The following LRRTM4 variants were observed in gnomAD, a reference collection of about 807,000 sequenced individuals.
The protein encoded by LRRTM4 is leucine rich repeat transmembrane neuronal 4, also known as leucine-rich repeat transmembrane neuronal protein 4.
In LRRTM4, 25 loss-of-function variants were observed where a neutral mutation model predicts 47.6. The ratio of observed to expected loss-of-function variants is 0.53; its 90% confidence interval spans 0.38 to 0.73. The LOEUF (loss-of-function observed/expected upper bound fraction) is 0.73. Ranked by LOEUF, LRRTM4 falls within the 30% of genes least tolerant of loss-of-function variation. The pLI is 0.00. For missense variants in LRRTM4, 638 were observed against 713.4 expected (o/e 0.89, Z 1.20); for synonymous variants, 311 against 269.5 (o/e 1.15, Z -1.51).
chr2:76,905,962 C>T (rs948796611), intron 3 of LRRTM4, among the ~76,000 whole-genome samples: 1 of 152,058 alleles, frequency 6.6e-6, no homozygotes, highest in Non-Finnish European at 1.5e-5. Context: ...TCTAGCAAGG[C>T]AGGCCAACAT....
At chr2:77,255,932 C>T (rs1460764370) in intron 3 of LRRTM4, among the ~76,000 whole-genome samples, 8 of 151,860 alleles carry the variant, frequency 5.3e-5, no homozygotes, top group Non-Finnish European at 1.0e-4. Context: ...GAAGCCAAAA[C>T]CAATGAAATA....
intron 3 of LRRTM4, among the ~76,000 whole-genome samples, chr2:77,187,367 T>C (rs1673540681): frequency 6.6e-6 from 1 of 151,180 alleles, no homozygotes. Flanking sequence ...AGCAAATCAC[T>C]TCCACAGAAT....
intron 3 of LRRTM4, among the ~76,000 whole-genome samples, chr2:76,805,881 G>T (rs980947208): frequency 6.6e-6 from 1 of 152,022 alleles, no homozygotes; most frequent in African/African-American, 2.4e-5. Context: ...TCCCTTAGAG[G>T]TGCTGTTTTC....
intron 3 of LRRTM4, among the ~76,000 whole-genome samples, chr2:77,498,530 A>G (rs891059949): frequency 6.6e-6 from 1 of 151,832 alleles, no homozygotes; most frequent in African/African-American, 2.4e-5. Context: ...TACACATAAT[A>G]GGCAAACAAG....
chr2:77,276,285 C>T (rs936247587), intron 3 of LRRTM4, among the ~76,000 whole-genome samples: 1 of 141,014 alleles, frequency 7.1e-6, no homozygotes, highest in African/African-American at 2.6e-5. Flanking sequence ...AAAACATACG[C>T]TATTTTTAAA....
intron 3 of LRRTM4, among the ~76,000 whole-genome samples, chr2:77,496,166 G>A (rs187219136): frequency 3.4e-4 from 52 of 151,988 alleles, no homozygotes; most frequent in African/African-American, 1.2e-3. Context: ...ATATAGATAT[G>A]TAGTTGATTT....
intron 3 of LRRTM4, among the ~76,000 whole-genome samples, chr2:77,141,896 A>C (rs1672133714): frequency 6.6e-6 from 1 of 152,190 alleles, no homozygotes; most frequent in African/African-American, 2.4e-5. Context: ...TAAGTAGATA[A>C]TAGAGAGACA....
intron 3 of LRRTM4, among the ~76,000 whole-genome samples, chr2:76,802,120 C>T (rs562062470): frequency 2.8e-4 from 42 of 151,662 alleles, no homozygotes; most frequent in South Asian, 6.2e-4. Flanking sequence ...AGTCCTAGCC[C>T]GAGCAATTAG....
chr2:76,982,294 C>T lies in LRRTM4; in HGVS notation c.1552-233378G>A, dbSNP rs568141750. On this transcript the variant is annotated intron_variant, in intron 3 of 3. Transcript: ENST00000409884. ...ATAACATAAATTTCTAGAAAGTTTC[C>T]GTGTCATATCAAAACAACTATATAT... 3.3e-5 allele frequency among the ~76,000 whole-genome samples: 5 copies of T among 151,972 alleles called. No individual in the cohort carries two copies. The East Asian group carries it at 5.9e-4, about 18-fold the overall frequency.
chr2:76,978,244 T>C (rs867526374), intron 3 of LRRTM4, among the ~76,000 whole-genome samples: 24 of 152,058 alleles, frequency 1.6e-4, no homozygotes, highest in African/African-American at 5.1e-4. Context: ...GTTTCTTTCC[T>C]TGTACTGTTG....
chr2:77,021,632 G>C (rs956765256), intron 3 of LRRTM4, among the ~76,000 whole-genome samples: 1 of 152,112 alleles, frequency 6.6e-6, no homozygotes, highest in Non-Finnish European at 1.5e-5. Flanking sequence ...TCCCAACCAG[G>C]TCCCATCTTT....
chr2:77,147,054 A>T (rs1039518342), intron 3 of LRRTM4, among the ~76,000 whole-genome samples: 2 of 152,200 alleles, frequency 1.3e-5, no homozygotes, highest in African/African-American at 4.8e-5. Context: ...CCCAGAGACA[A>T]TTAGGAATGC....
intron 3 of LRRTM4, among the ~76,000 whole-genome samples, chr2:76,922,463 A>T (rs901416899): frequency 1.3e-5 from 2 of 152,052 alleles, no homozygotes; most frequent in African/African-American, 4.8e-5. Context: ...AGCCTCCATG[A>T]TTCAATCATC....
At chr2:77,330,166 A>C (rs1670916262) in intron 3 of LRRTM4, among the ~76,000 whole-genome samples, 1 of 152,030 alleles carries the variant, frequency 6.6e-6, no homozygotes, top group African/African-American at 2.4e-5. Flanking sequence ...AATAAATGTC[A>C]CTTGAAGAGG....
intron 3 of LRRTM4, among the ~76,000 whole-genome samples, chr2:77,336,821 C>T (rs1439605327): frequency 6.6e-6 from 1 of 152,118 alleles, no homozygotes; most frequent in Non-Finnish European, 1.5e-5. Context: ...GAAGGTTGTT[C>T]ATTCTCATCA....
chr2:76,873,507 T>TGTTATATATATATAC, intron 3 of LRRTM4, among the ~76,000 whole-genome samples: 1 of 21,640 alleles, frequency 4.6e-5, no homozygotes, highest in Non-Finnish European at 1.0e-4. Context: ...TATATGTGTG[T>TGTTATATATATATAC]ATATATATAT....
chr2:76,830,611 T>A (rs57409258), intron 3 of LRRTM4, among the ~76,000 whole-genome samples: 69,531 of 151,196 alleles, frequency 0.46, 17,052 homozygotes, highest in East Asian at 0.76. Flanking sequence ...CATCTTTTAG[T>A]TTCTGAAATT....
chr2:77,394,693 GCAGGTTACGTACAACT>G (rs1326338268), intron 3 of LRRTM4, among the ~76,000 whole-genome samples: 2 of 151,942 alleles, frequency 1.3e-5, no homozygotes, highest in Non-Finnish European at 2.9e-5. Flanking sequence ...GAATGAACAT[GCAGGTTACGTACAACT>G]CATATTCACT....
At chr2:76,762,643 T>A (rs1486075422) in intron 3 of LRRTM4, among the ~76,000 whole-genome samples, 3 of 152,214 alleles carry the variant, frequency 2.0e-5, no homozygotes, top group African/African-American at 7.2e-5. Context: ...TAACTCATCA[T>A]GCAGCAAAAC....
Sources: allele counts gnomAD v4.1 joint callset (sites outside exome capture counted in the v4.1 genomes callset), GRCh38; gene constraint gnomAD v4.1.1; transcripts MANE v1.5; gene names NCBI Gene and HGNC (gene_info 2026-07-23, HGNC 2026-07-21).